Variants in RAB10 observed in about 807,000 individuals in gnomAD.
RAB10 encodes ras-related protein Rab-10.
RAB10 carries 5 observed loss-of-function variants against 25.7 expected under a neutral mutation model. The observed-to-expected ratio is 0.19, with a 90% CI of 0.10 to 0.41. The LOEUF is 0.41. RAB10 is among the 10% of genes least tolerant of loss of function. RAB10 has a pLI of 1.00. For missense variants in RAB10, 103 were observed against 245.8 expected, an observed-to-expected ratio of 0.42 and a Z score of 3.89; for synonymous variants, 89 against 86.4, an observed-to-expected ratio of 1.03 and a Z score of -0.16.
intron 1 of RAB10, among the ~76,000 whole-genome samples, chr2:26,074,803 G>A (rs572215949): frequency 6.6e-6 from 1 of 152,144 alleles, no homozygotes; most frequent in Non-Finnish European, 1.5e-5. Context: ...TATTAACCTC[G>A]TGTGCCTGAA....
chr2:26,077,785 C>G (rs1411363047), intron 1 of RAB10, among the ~76,000 whole-genome samples: 1 of 152,132 alleles, frequency 6.6e-6, no homozygotes, highest in Non-Finnish European at 1.5e-5. Flanking sequence ...AGAGACTATT[C>G]TGGCTAACAC....
chr2:26,038,221 AT>A (rs1665805923), intron 1 of RAB10, among the ~76,000 whole-genome samples: 2 of 125,960 alleles, frequency 1.6e-5, no homozygotes, highest in African/African-American at 6.1e-5. Flanking sequence ...TTTGAGATGG[AT>A]TTTCGCTTTT....
rs185477425 is a variant in RAB10, at chr2:26,131,825, A to G, written c.520-3113A>G. 2.6e-4 allele frequency among the ~76,000 whole-genome samples: 40 copies of G among 152,306 alleles called. No individual in the cohort carries two copies. In the East Asian group the frequency reaches 6.8e-3, roughly 26 times the overall value. On this transcript the variant is annotated intron_variant, in intron 5 of 5. Transcript: ENST00000264710. ...TGTCACTTTGCTTATTTCACTTACTATAAGCAAAATAATTTTACTTTTTAA... is the reference window on the plus strand; with the variant it reads ...TGTCACTTTGCTTATTTCACTTACTGTAAGCAAAATAATTTTACTTTTTAA...
chr2:26,130,339 A>G (rs1314874582), intron 5 of RAB10, among the ~76,000 whole-genome samples: 2 of 151,520 alleles, frequency 1.3e-5, no homozygotes, highest in South Asian at 4.2e-4. Flanking sequence ...ACAGGGTCTC[A>G]CTGTGTTTCC....
intron 2 of RAB10, among the ~76,000 whole-genome samples, chr2:26,104,668 C>G (rs1337272789): frequency 1.3e-5 from 2 of 151,620 alleles, no homozygotes; most frequent in African/African-American, 4.8e-5. Context: ...TGAAGATGAC[C>G]CCTATGTTTT....
rs1223211648 is a variant in RAB10 at position 26,102,653 on chromosome 2, T to C, written c.188+3931T>C. Among the ~76,000 whole-genome samples, 2 of 152,144 alleles carry C rather than the reference T, an allele frequency of 1.3e-5. 1 individual carries two copies. Among genetic ancestry groups the C allele is most frequent in the Non-Finnish European group, 2.9e-5 (2 of 68,028 alleles). On this transcript the variant is annotated intron_variant, in intron 2 of 5. Coordinates refer to ENST00000264710, the MANE Select transcript of RAB10 (RefSeq NM_016131.5). ...CGGGGTTTCACCGTGTTAACCAGTA[T>C]GGTCTCGATCTCCTGACCTTGTGAT...
At chr2:26,066,837 C>T (rs1326297045) in intron 1 of RAB10, among the ~76,000 whole-genome samples, 1 of 142,016 alleles carries the variant, frequency 7.0e-6, no homozygotes, top group Admixed American at 7.5e-5. Context: ...GGCTGAAGTG[C>T]GGTGGCACAA....
chr2:26,045,255 T>C (rs1420775466), intron 1 of RAB10, among the ~76,000 whole-genome samples: 1 of 109,738 alleles, frequency 9.1e-6, no homozygotes, highest in African/African-American at 3.4e-5. Context: ...TTTTTTTTTT[T>C]TTGAGACAGA....
chr2:26,053,493 T>G (rs1352981006), intron 1 of RAB10, among the ~76,000 whole-genome samples: 2 of 152,204 alleles, frequency 1.3e-5, no homozygotes, highest in East Asian at 3.8e-4. Context: ...AGCAAGTGAT[T>G]CGGCAAATTC....
At chr2:26,092,180 A>G (rs1259754932) in intron 1 of RAB10, among the ~76,000 whole-genome samples, 2 of 151,692 alleles carry the variant, frequency 1.3e-5, no homozygotes, top group Non-Finnish European at 1.5e-5. Flanking sequence ...TCAGAAAAAA[A>G]AAAAAAGAAA....
chr2:26,135,261 G>T lies in RAB10; in HGVS notation c.*240G>T. On this transcript the variant is annotated 3_prime_UTR_variant, in exon 6 of 6. Coordinates refer to ENST00000264710, the MANE Select transcript of RAB10 (RefSeq NM_016131.5). The stretch of plus-strand genomic sequence containing the variant: ...TGTGAGTTCATTTTTAAATGTACTT[G>T]CTCAGCTCAACTGCATTTCAGTTGT... 2.3e-6 allele frequency: 1 copy of T among 428,058 alleles called. No homozygotes were observed. Among genetic ancestry groups the T allele is most frequent in the Non-Finnish European group, 4.2e-6 (1 of 240,040 alleles). The allele number at this position is 428,058 out of a possible 1,614,324, so 26.5% of individuals were successfully genotyped here.
At chr2:26,084,782 T>C (rs1178910590) in intron 1 of RAB10, among the ~76,000 whole-genome samples, 9 of 152,214 alleles carry the variant, frequency 5.9e-5, no homozygotes, top group Admixed American at 5.9e-4. Context: ...TCGATACTTA[T>C]GGTTGCTTCT....
intron 1 of RAB10, among the ~76,000 whole-genome samples, chr2:26,083,366 TTTC>T (rs1193805266): frequency 6.6e-6 from 1 of 151,996 alleles, no homozygotes; most frequent in Admixed American, 6.6e-5. Context: ...TTGTATTATT[TTTC>T]TTTTTTCTCT....
chr2:26,074,235 C>T (rs1230465582), intron 1 of RAB10, among the ~76,000 whole-genome samples: 1 of 151,948 alleles, frequency 6.6e-6, no homozygotes, highest in Non-Finnish European at 1.5e-5. Context: ...TTGAATGAAA[C>T]AGATTTGAGA....
At chr2:26,045,792 C>T (rs1665989158) in intron 1 of RAB10, among the ~76,000 whole-genome samples, 1 of 152,110 alleles carries the variant, frequency 6.6e-6, no homozygotes, top group South Asian at 2.1e-4. Flanking sequence ...CAGACTGGAT[C>T]AAATTCCTGG....
At chr2:26,124,499 C>G (rs1009227948) in intron 3 of RAB10, among the ~76,000 whole-genome samples, 3 of 139,366 alleles carry the variant, frequency 2.2e-5, no homozygotes, top group African/African-American at 5.3e-5. Context: ...CTCTTGGGCT[C>G]AAGTGCTCCT....
chr2:26,105,139 T>A (rs1440745246), intron 2 of RAB10, among the ~76,000 whole-genome samples: 1 of 152,132 alleles, frequency 6.6e-6, no homozygotes, highest in Admixed American at 6.6e-5. Context: ...GAAAGCCTGT[T>A]TTTTTTCCCC....
intron 2 of RAB10, among the ~76,000 whole-genome samples, chr2:26,107,566 C>T (rs1024087732): frequency 4.6e-5 from 7 of 152,216 alleles, no homozygotes; most frequent in Non-Finnish European, 7.4e-5. Context: ...GAGGCTGAGG[C>T]GGGCTGATCA....
chr2:26,100,842 ATT>A (rs779226465), intron 2 of RAB10, among the ~76,000 whole-genome samples: 5 of 143,894 alleles, frequency 3.5e-5, no homozygotes, highest in Non-Finnish European at 4.6e-5. Context: ...TCATTCAAGG[ATT>A]TTTTTTTTTT....
Sources: gnomAD v4.1 joint callset for allele counts (sites outside exome capture counted in the v4.1 genomes callset) on GRCh38, gnomAD v4.1.1 for gene constraint, MANE v1.5 for transcripts, NCBI Gene and HGNC (gene_info 2026-07-23, HGNC 2026-07-21) for gene names.